F13A1: variants seen among roughly 807,000 people sequenced by gnomAD.
F13A1 encodes the protein coagulation factor XIII A chain.
F13A1 carries 47 observed loss-of-function variants against 80.1 expected under a neutral mutation model. The ratio of observed to expected loss-of-function variants is 0.59; its 90% CI spans 0.46 to 0.75. The LOEUF is 0.75. F13A1 is among the 30% of genes least tolerant of loss of function. The pLI is 0.00. For missense variants in F13A1, 817 were observed against 930.4 expected (o/e 0.88, Z 1.59); for synonymous variants, 349 against 344.9 (o/e 1.01, Z -0.13).
At chr6:6,294,514 C>T (rs1359402107) in intron 3 of F13A1, among the ~76,000 whole-genome samples, 3 of 148,160 alleles carry the variant, frequency 2.0e-5, no homozygotes, top group African/African-American at 7.9e-5. Context: ...TATGTATATA[C>T]ACACAACACT....
intron 11 of F13A1, among the ~76,000 whole-genome samples, chr6:6,179,606 T>G (rs919528851): frequency 6.6e-6 from 1 of 152,232 alleles, no homozygotes; most frequent in Non-Finnish European, 1.5e-5. Flanking sequence ...CTTGGTGTTC[T>G]TCTCAAAACA....
intron 13 of F13A1, among the ~76,000 whole-genome samples, chr6:6,163,343 C>T (rs1760605519): frequency 6.6e-6 from 1 of 152,078 alleles, no homozygotes. Flanking sequence ...TTTAAAAAAC[C>T]TTTTATTTTA....
At position 6,250,928 on chromosome 6, in the gene F13A1, A is replaced by G. The variant is rs1342202380; in HGVS notation, c.573T>C (p.Asp191=). 5 of 1,595,892 alleles carry G rather than the reference A, an allele frequency of 3.1e-6. No homozygotes were observed. The highest frequency in any genetic ancestry group is 4.3e-6 in the Non-Finnish European group (5 of 1,164,048). The change falls in exon 5 of 15, where the codon GAT becomes GAC. Residue 191 remains aspartate, a splice_region_variant and synonymous_variant. Transcript: ENST00000264870. The surrounding 1 kb of genome is among the most constrained non-coding windows in gnomAD (Gnocchi z 4.2). Reference sequence around the variant, plus strand: ...TCTCATTGTCCAGATACACAGCATCATCTGCATCAGGGTTTAAACATAGTG... The same window carrying G: ...TCTCATTGTCCAGATACACAGCATCGTCTGCATCAGGGTTTAAACATAGTG... ...TYILFNPWCE[D]DAVYLDNEKE... is the part of the protein sequence containing the mutation.
chr6:6,205,964 C>T (rs1306791967), intron 8 of F13A1, among the ~76,000 whole-genome samples: 2 of 152,176 alleles, frequency 1.3e-5, no homozygotes, highest in Admixed American at 6.5e-5. Context: ...GCCCTACCCC[C>T]TTTTACCACT....
intron 12 of F13A1, among the ~76,000 whole-genome samples, chr6:6,172,995 C>G (rs1427522035): frequency 6.6e-6 from 1 of 152,120 alleles, no homozygotes; most frequent in Non-Finnish European, 1.5e-5. Context: ...CTTGCCTTTG[C>G]TTTGTCAAAA....
intron 8 of F13A1, among the ~76,000 whole-genome samples, chr6:6,221,083 T>C (rs937981325): frequency 3.9e-5 from 6 of 152,232 alleles, no homozygotes; most frequent in Non-Finnish European, 8.8e-5. Flanking sequence ...TATTTGTGCA[T>C]GAGACTCATT....
chr6:6,168,204 G>A (rs1372692353), intron 12 of F13A1, among the ~76,000 whole-genome samples: 3 of 152,172 alleles, frequency 2.0e-5, no homozygotes, highest in Non-Finnish European at 2.9e-5. Context: ...AACTATCTCC[G>A]AACCTCTGTT....
At chr6:6,227,034 C>A (rs538260393) in intron 6 of F13A1, among the ~76,000 whole-genome samples, 1 of 147,930 alleles carries the variant, frequency 6.8e-6, no homozygotes, top group African/African-American at 2.4e-5. Flanking sequence ...AACAATATGG[C>A]AGGCTCTGGG....
chr6:6,317,372 A>G (rs1185593975), intron 2 of F13A1, among the ~76,000 whole-genome samples: 2 of 152,120 alleles, frequency 1.3e-5, no homozygotes, highest in Non-Finnish European at 2.9e-5. Context: ...TGGGAGACAG[A>G]TTTCAGAACT....
At chr6:6,293,096 G>A (rs1337767299) in intron 3 of F13A1, among the ~76,000 whole-genome samples, 2 of 152,172 alleles carry the variant, frequency 1.3e-5, no homozygotes, top group Non-Finnish European at 2.9e-5. Flanking sequence ...TCATAGAATT[G>A]AGGGAAAGGT....
At chr6:6,252,518 A>G (rs964714143) in intron 4 of F13A1, among the ~76,000 whole-genome samples, 5 of 152,174 alleles carry the variant, frequency 3.3e-5, no homozygotes, top group Admixed American at 2.6e-4. Flanking sequence ...ATGCTAAGGC[A>G]AAAAATAAGG....
chr6:6,233,440 AT>A, intron 6 of F13A1, among the ~76,000 whole-genome samples: 1 of 152,292 alleles, frequency 6.6e-6, no homozygotes, highest in East Asian at 1.9e-4. Context: ...AAGCAGTGAG[AT>A]TGAAATGGTA....
intron 11 of F13A1, 100 bp from the exon 12 acceptor site, chr6:6,174,967 C>G: frequency 1.1e-5 from 15 of 1,425,680 alleles, no homozygotes; most frequent in Non-Finnish European, 1.3e-5. Flanking sequence ...TGGGGTGTTT[C>G]TATAATACAA....
At chr6:6,185,854 C>T (rs1761072382) in intron 10 of F13A1, among the ~76,000 whole-genome samples, 1 of 152,070 alleles carries the variant, frequency 6.6e-6, no homozygotes, top group Non-Finnish European at 1.5e-5. Context: ...TAAAAGTGTT[C>T]CTATTTCTCC....
intron 3 of F13A1, among the ~76,000 whole-genome samples, chr6:6,272,258 T>G (rs951875038): frequency 6.6e-6 from 1 of 152,192 alleles, no homozygotes; most frequent in African/African-American, 2.4e-5. Context: ...ATGTCCTAGG[T>G]GGTGATTAGG....
chr6:6,159,307 C>G (rs140715701), intron 13 of F13A1, among the ~76,000 whole-genome samples: 1 of 152,076 alleles, frequency 6.6e-6, no homozygotes, highest in Non-Finnish European at 1.5e-5. Context: ...TGGTCCATCC[C>G]GGTGGGTTTC....
intron 8 of F13A1, among the ~76,000 whole-genome samples, chr6:6,210,349 T>TATATATATATATATATATATC (rs1561655552): frequency 5.4e-5 from 2 of 36,860 alleles, no homozygotes; most frequent in South Asian, 1.0e-3. Context: ...ATATATATAT[T>TATATATATATATATATATATC]TCTTTTTTTT....
intron 13 of F13A1, among the ~76,000 whole-genome samples, chr6:6,161,544 G>GTGTGTGTT (rs938921223): frequency 1.3e-5 from 2 of 151,290 alleles, no homozygotes; most frequent in African/African-American, 4.9e-5. Context: ...GTGTGTGTGT[G>GTGTGTGTT]TGTGTGTGAG....
chr6:6,181,097 T>C (rs1760975003), intron 11 of F13A1, among the ~76,000 whole-genome samples: 1 of 152,196 alleles, frequency 6.6e-6, no homozygotes, highest in African/African-American at 2.4e-5. Flanking sequence ...ATTCTGAGCC[T>C]GCAGGATCCC....
Sources: allele counts gnomAD v4.1 joint callset (sites outside exome capture counted in the v4.1 genomes callset), GRCh38; gene constraint gnomAD v4.1.1; non-coding constraint Gnocchi (gnomAD v3.1); transcripts MANE v1.5; gene names NCBI Gene and HGNC (gene_info 2026-07-23, HGNC 2026-07-21).